Variants in NRG3 observed in about 807,000 individuals in gnomAD.
The protein encoded by NRG3 is pro-neuregulin-3, membrane-bound isoform.
Under a neutral mutation model 66.9 loss-of-function variants are expected in NRG3, and 31 were observed. That is an observed-to-expected ratio of 0.46 (90% CI 0.35 to 0.63). The LOEUF is 0.63. Ranked by LOEUF, NRG3 falls within the 20% of genes least tolerant of loss-of-function variation. NRG3 has a pLI of 0.00. For synonymous variants in NRG3, 393 were observed against 359.4 expected (o/e 1.09, Z -1.06); for missense variants, 910 against 878.9 (o/e 1.04, Z -0.45).
At chr10:82,669,053 ATCG>A (rs915930304) in intron 2 of NRG3, among the ~76,000 whole-genome samples, 10 of 152,116 alleles carry the variant, frequency 6.6e-5, no homozygotes, top group African/African-American at 2.4e-4. Context: ...CATCACCACC[ATCG>A]TCACCTATAA....
At chr10:82,639,310 T>C (rs1290504853) in intron 2 of NRG3, among the ~76,000 whole-genome samples, 1 of 152,172 alleles carries the variant, frequency 6.6e-6, no homozygotes, top group African/African-American at 2.4e-5. Flanking sequence ...CCCTTGGGCC[T>C]CTTTTATAAG....
At chr10:81,989,835 C>A (rs556511245) in intron 1 of NRG3, among the ~76,000 whole-genome samples, 1 of 151,932 alleles carries the variant, frequency 6.6e-6, no homozygotes. Flanking sequence ...GGAGATGTGT[C>A]TGCAGAAGCT....
At chr10:82,171,490 G>A (rs892726161) in intron 1 of NRG3, among the ~76,000 whole-genome samples, 29 of 152,230 alleles carry the variant, frequency 1.9e-4, no homozygotes, top group Non-Finnish European at 1.5e-4. Context: ...GGAGTATGAT[G>A]GAAGGGGAAG....
At chr10:82,560,217 C>T (rs1011878163) in intron 2 of NRG3, among the ~76,000 whole-genome samples, 3 of 151,082 alleles carry the variant, frequency 2.0e-5, no homozygotes, top group Admixed American at 6.6e-5. Context: ...CTTATTTTTT[C>T]CAGTTTTTAA....
chr10:82,134,504 A>G (rs2069175914), intron 1 of NRG3, among the ~76,000 whole-genome samples: 2 of 152,126 alleles, frequency 1.3e-5, no homozygotes, highest in Non-Finnish European at 2.9e-5. Flanking sequence ...AGCATCATTT[A>G]TTGAATAGAG....
chr10:82,815,745 A>C (rs1476341638), intron 3 of NRG3, among the ~76,000 whole-genome samples: 1 of 152,086 alleles, frequency 6.6e-6, no homozygotes, highest in Non-Finnish European at 1.5e-5. Flanking sequence ...TGCTGGGCTT[A>C]TTCCGCCCAC....
chr10:82,212,803 G>A (rs1179442986), intron 1 of NRG3, among the ~76,000 whole-genome samples: 3 of 152,076 alleles, frequency 2.0e-5, no homozygotes, highest in Admixed American at 6.6e-5. Flanking sequence ...AATTATATAT[G>A]CATGGCAGAT....
In NRG3 at chr10:82,771,819, TC is replaced by T. The variant is rs2059722838; in HGVS notation, c.1027+33171del. The stretch of plus-strand genomic sequence containing the variant: ...TAAAAGTGAGCTCATTATTTTTTTT[TC>T]CTCCCAATTCTGTTTCCTTTGACAT... On this transcript the variant is annotated intron_variant, in intron 3 of 8. Coordinates refer to ENST00000372141, the MANE Select transcript of NRG3 (RefSeq NM_001010848.4). Among the ~76,000 whole-genome samples the T allele has an allele frequency of 2.6e-5, 4 of 152,240 alleles. No homozygotes were observed. In the South Asian group the frequency reaches 8.3e-4, roughly 32 times the overall value.
intron 4 of NRG3, among the ~76,000 whole-genome samples, chr10:82,941,557 A>G (rs2132268695): frequency 6.6e-6 from 1 of 152,356 alleles, no homozygotes; most frequent in Non-Finnish European, 1.5e-5. Context: ...TTATCTAACA[A>G]TAATTAATGC....
intron 2 of NRG3, among the ~76,000 whole-genome samples, chr10:82,469,901 C>T (rs766883634): frequency 3.9e-5 from 6 of 152,066 alleles, no homozygotes; most frequent in Non-Finnish European, 8.8e-5. Context: ...ATCATTTTTT[C>T]CCTTGCATCT....
At chr10:82,803,395 C>T (rs2061135244) in intron 3 of NRG3, among the ~76,000 whole-genome samples, 1 of 152,168 alleles carries the variant, frequency 6.6e-6, no homozygotes, top group Non-Finnish European at 1.5e-5. Context: ...AATCTAGTTA[C>T]CCATCTATCT....
At chr10:82,235,077 A>G (rs2076689321) in intron 1 of NRG3, among the ~76,000 whole-genome samples, 1 of 152,250 alleles carries the variant, frequency 6.6e-6, no homozygotes, top group African/African-American at 2.4e-5. Context: ...CTTGAGTGAC[A>G]GATCATTCTA....
At chr10:82,722,372 G>T (rs1462368293) in intron 2 of NRG3, among the ~76,000 whole-genome samples, 3 of 152,098 alleles carry the variant, frequency 2.0e-5, no homozygotes, top group African/African-American at 4.8e-5. Flanking sequence ...AATATTGAGC[G>T]ATTCTTGGTA....
intron 2 of NRG3, among the ~76,000 whole-genome samples, chr10:82,387,062 A>G (rs1317624777): frequency 6.6e-6 from 1 of 152,236 alleles, no homozygotes; most frequent in Non-Finnish European, 1.5e-5. Context: ...GGCCTCACAA[A>G]GTGCTGGGAT....
intron 1 of NRG3, among the ~76,000 whole-genome samples, chr10:82,271,231 T>G (rs1400790036): frequency 6.6e-6 from 1 of 152,004 alleles, no homozygotes; most frequent in East Asian, 1.9e-4. Flanking sequence ...TATAGAGGAC[T>G]TCCATCATGG....
chr10:82,185,322 T>C (rs2073735084), intron 1 of NRG3, among the ~76,000 whole-genome samples: 2 of 152,178 alleles, frequency 1.3e-5, no homozygotes, highest in Admixed American at 6.5e-5. Flanking sequence ...AGTAACACTG[T>C]TGTTTGGGCA....
intron 1 of NRG3, among the ~76,000 whole-genome samples, chr10:82,186,340 T>A (rs2073806680): frequency 6.6e-6 from 1 of 152,146 alleles, no homozygotes; most frequent in South Asian, 2.1e-4. Context: ...AACTTTTCCT[T>A]TGCTCATACT....
At chr10:82,335,467 G>T (rs2082341619) in intron 1 of NRG3, among the ~76,000 whole-genome samples, 1 of 152,074 alleles carries the variant, frequency 6.6e-6, no homozygotes, top group African/African-American at 2.4e-5. Flanking sequence ...CTCATTGACA[G>T]GTAGGTACTC....
intron 3 of NRG3, among the ~76,000 whole-genome samples, chr10:82,757,186 G>A (rs1345132348): frequency 1.3e-5 from 2 of 152,016 alleles, no homozygotes; most frequent in Non-Finnish European, 2.9e-5. Flanking sequence ...AAAAACGATA[G>A]TCCTCTTCAG....
Sources: allele counts gnomAD v4.1 joint callset (sites outside exome capture counted in the v4.1 genomes callset), GRCh38; gene constraint gnomAD v4.1.1; transcripts MANE v1.5; gene names NCBI Gene and HGNC (gene_info 2026-07-23, HGNC 2026-07-21).